The following PDS5B variants were observed in gnomAD, a reference collection of about 807,000 sequenced individuals.
PDS5B encodes sister chromatid cohesion protein PDS5 homolog B.
In PDS5B, 51 loss-of-function variants were observed where a neutral mutation model predicts 184.1. That is an observed-to-expected ratio of 0.28 (90% CI 0.22 to 0.35). PDS5B has a LOEUF of 0.35. Ranked by LOEUF, PDS5B falls within the 10% of genes least tolerant of loss-of-function variation. PDS5B has a pLI of 1.00. For missense variants in PDS5B, 1,180 were observed against 1,723.3 expected, an observed-to-expected ratio of 0.68 and a Z score of 5.58; for synonymous variants, 566 against 569.2, an observed-to-expected ratio of 0.99 and a Z score of 0.08.
intron 19 of PDS5B, among the ~76,000 whole-genome samples, chr13:32,713,308 A>C (rs1474027366): frequency 1.3e-5 from 2 of 152,258 alleles, no homozygotes; most frequent in Non-Finnish European, 2.9e-5. Flanking sequence ...AAAGCCAGAG[A>C]GAATTTTTCT....
intron 19 of PDS5B, among the ~76,000 whole-genome samples, chr13:32,716,793 G>T (rs1331910108): frequency 6.9e-5 from 5 of 72,848 alleles, no homozygotes; most frequent in East Asian, 3.0e-4. Context: ...GGAGGGAGGT[G>T]GGGGGGTCAG....
At chr13:32,704,099 T>C (rs552432505) in intron 17 of PDS5B, among the ~76,000 whole-genome samples, 8 of 152,350 alleles carry the variant, frequency 5.3e-5, no homozygotes, top group Admixed American at 5.2e-4. Context: ...TGGTATCATA[T>C]TAATAGCTCT....
chr13:32,760,388 G>T (rs1021254421), intron 29 of PDS5B, among the ~76,000 whole-genome samples, 187 bp from the exon 30 acceptor site: 1 of 152,096 alleles, frequency 6.6e-6, no homozygotes, highest in East Asian at 1.9e-4. Context: ...CAACTGTTAT[G>T]CTGTCTGTAT....
chr13:32,771,348 G>T (rs1954778471), intron 33 of PDS5B, among the ~76,000 whole-genome samples: 1 of 152,022 alleles, frequency 6.6e-6, no homozygotes, highest in Non-Finnish European at 1.5e-5. Flanking sequence ...TATAAGAGAG[G>T]TACAGTAAGA....
intron 10 of PDS5B, among the ~76,000 whole-genome samples, chr13:32,679,638 CAAAA>C (rs781188988): frequency 7.0e-5 from 10 of 142,342 alleles, no homozygotes; most frequent in East Asian, 2.1e-4. Flanking sequence ...CTCTTTATCT[CAAAA>C]AAAAAAAAAA....
In PDS5B at chr13:32,593,423, C is replaced by T. The variant is rs531316115; in HGVS notation, c.-20+6830C>T. 2.8e-4 allele frequency among the ~76,000 whole-genome samples: 43 copies of T among 152,282 alleles called. 1 individual carries two copies. The highest frequency in any genetic ancestry group is 9.1e-4 in the African/African-American group (38 of 41,540). Reference sequence around the variant, plus strand: ...TGGCACGATCTCGGCTCACTGCAACCTCTGCCTCATGGGTTCAAGCGACTC... The same window carrying T: ...TGGCACGATCTCGGCTCACTGCAACTTCTGCCTCATGGGTTCAAGCGACTC... On this transcript the variant is annotated intron_variant, in intron 1 of 34. Coordinates refer to ENST00000315596, the MANE Select transcript of PDS5B (RefSeq NM_015032.4).
At chr13:32,609,394 T>A (rs137896426) in intron 1 of PDS5B, among the ~76,000 whole-genome samples, 2,093 of 152,346 alleles carry the variant, frequency 0.014, 38 homozygotes, top group South Asian at 0.082. Context: ...GAGTTCTTAC[T>A]TCTGCATCAA....
intron 1 of PDS5B, among the ~76,000 whole-genome samples, chr13:32,631,362 G>A (rs560024336): frequency 4.5e-4 from 68 of 152,238 alleles, no homozygotes; most frequent in Admixed American, 3.7e-3. Context: ...CAAAGTGTTA[G>A]GATTACAGGC....
intron 34 of PDS5B, among the ~76,000 whole-genome samples, chr13:32,774,024 G>T (rs1954878661): frequency 6.6e-6 from 1 of 152,182 alleles, no homozygotes; most frequent in East Asian, 1.9e-4. Context: ...GGCTGGTCTC[G>T]AACTCTTGAC....
chr13:32,628,198 CCTTT>C (rs2058398529), intron 1 of PDS5B, among the ~76,000 whole-genome samples: 1 of 152,042 alleles, frequency 6.6e-6, no homozygotes, highest in African/African-American at 2.4e-5. Flanking sequence ...AGAGATGTAT[CCTTT>C]CTTCCATCCC....
At chr13:32,725,386 C>A (rs774864058) in intron 19 of PDS5B, among the ~76,000 whole-genome samples, 1 of 151,984 alleles carries the variant, frequency 6.6e-6, no homozygotes, top group Non-Finnish European at 1.5e-5. Context: ...TCCCTGAGTC[C>A]TTTGAAACAA....
At chr13:32,725,280 G>T (rs553392339) in intron 19 of PDS5B, among the ~76,000 whole-genome samples, 1 of 152,140 alleles carries the variant, frequency 6.6e-6, no homozygotes, top group Admixed American at 6.5e-5. Flanking sequence ...AATCATAACG[G>T]GTTTACGCAT....
chr13:32,728,135 TTCTTTTTTTATATTTTTATA>T (rs1312254382), intron 19 of PDS5B, among the ~76,000 whole-genome samples: 2 of 151,814 alleles, frequency 1.3e-5, no homozygotes, highest in Admixed American at 6.6e-5. Context: ...TCTATTTGTG[TTCTTTTTTTATATTTTTATA>T]TCTTTTTTTA....
At chr13:32,605,401 C>G (rs2058044344) in intron 1 of PDS5B, among the ~76,000 whole-genome samples, 1 of 152,164 alleles carries the variant, frequency 6.6e-6, no homozygotes, top group Non-Finnish European at 1.5e-5. Flanking sequence ...TTTCTTAATC[C>G]TGAGTTCCAG....
At chr13:32,753,650 T>C in intron 25 of PDS5B, 114 bp downstream of exon 25, 1 of 655,558 alleles carries the variant, frequency 1.5e-6, no homozygotes, top group Non-Finnish European at 2.4e-6. Context: ...TTAACAATTT[T>C]TATTACCATT....
At chr13:32,688,894 T>G (rs946838692) in intron 13 of PDS5B, 31 of 290,666 alleles carry the variant, frequency 1.1e-4, no homozygotes, top group African/African-American at 6.8e-4. Context: ...TTAGAAACAT[T>G]CATATTATGA....
chr13:32,769,227 C>T (rs1165576110), intron 31 of PDS5B, among the ~76,000 whole-genome samples: 1 of 151,880 alleles, frequency 6.6e-6, no homozygotes, highest in Non-Finnish European at 1.5e-5. Flanking sequence ...CCACTAACAC[C>T]GCAGTAGTCA....
intron 1 of PDS5B, among the ~76,000 whole-genome samples, chr13:32,604,042 C>G (rs2058021300): frequency 6.6e-6 from 1 of 152,202 alleles, no homozygotes; most frequent in South Asian, 2.1e-4. Context: ...TTGACTTCCT[C>G]TTTTCCTAAT....
At chr13:32,735,459 TA>T (rs1310765524) in intron 21 of PDS5B, 129 bp downstream of exon 21, 31 of 625,620 alleles carry the variant, frequency 5.0e-5, no homozygotes, top group South Asian at 1.1e-4. Context: ...TTTTCCTGTT[TA>T]AAAAAAATAA....
Sources: allele counts gnomAD v4.1 joint callset (sites outside exome capture counted in the v4.1 genomes callset), GRCh38; gene constraint gnomAD v4.1.1; transcripts MANE v1.5; gene names NCBI Gene and HGNC (gene_info 2026-07-23, HGNC 2026-07-21).